Variants in FREM1 observed in about 807,000 individuals in gnomAD.
The protein encoded by FREM1 is FRAS1 related extracellular matrix 1.
FREM1 carries 220 observed loss-of-function variants against 210.1 expected under a neutral mutation model. The ratio of observed to expected loss-of-function variants is 1.05; its 90% CI spans 0.94 to 1.17. FREM1 has a LOEUF of 1.17. FREM1 is among the 50% of genes most tolerant of loss of function. The pLI is 0.00. For missense variants in FREM1, 3,454 were observed against 2,675.5 expected (o/e 1.29, Z -6.42); for synonymous variants, 1,189 against 980.2 (o/e 1.21, Z -3.98).
chr9:14,824,301 T>C (rs1821930117), intron 11 of FREM1, among the ~76,000 whole-genome samples, 186 bp from the exon 12 acceptor site: 1 of 152,208 alleles, frequency 6.6e-6, no homozygotes, highest in Non-Finnish European at 1.5e-5. Context: ...ATCCTTGTCA[T>C]GACTGCAAAA....
chr9:14,778,445 T>G (rs1464857151), intron 24 of FREM1, among the ~76,000 whole-genome samples: 1 of 146,252 alleles, frequency 6.8e-6, no homozygotes, highest in Non-Finnish European at 1.5e-5. Context: ...ACCCTTTCTC[T>G]ACAAAAAATA....
intron 27 of FREM1, among the ~76,000 whole-genome samples, chr9:14,765,512 C>A (rs1299213989): frequency 6.6e-6 from 1 of 152,150 alleles, no homozygotes; most frequent in Non-Finnish European, 1.5e-5. Flanking sequence ...AGTGGGTGCC[C>A]AATAAATGCT....
chr9:14,813,072 A>G lies in FREM1; in HGVS notation c.2641-8T>C. 6.3e-7 allele frequency: 1 copy of G among 1,589,554 alleles called. No homozygotes were observed. Among genetic ancestry groups the G allele is most frequent in the Non-Finnish European group, 8.6e-7 (1 of 1,164,690 alleles). On this transcript the variant is annotated splice_region_variant and splice_polypyrimidine_tract_variant and intron_variant, in intron 15 of 36. Transcript: ENST00000380880. The stretch of plus-strand genomic sequence containing the variant: ...ATCGTTGACAGGGAATACCTAGGCA[A>G]TGGAAAAAATGCATGTTTTCAGAAA...
At chr9:14,903,798 T>C (rs565456644) in intron 1 of FREM1, among the ~76,000 whole-genome samples, 1 of 151,980 alleles carries the variant, frequency 6.6e-6, no homozygotes, top group South Asian at 2.1e-4. Flanking sequence ...CCAACACACA[T>C]TGATATCTTT....
At chr9:14,756,918 C>T (rs1030770241) in intron 28 of FREM1, among the ~76,000 whole-genome samples, 1 of 152,122 alleles carries the variant, frequency 6.6e-6, no homozygotes, top group East Asian at 1.9e-4. Flanking sequence ...AGCTCCAGGG[C>T]ACTGAAAGCC....
intron 1 of FREM1, among the ~76,000 whole-genome samples, chr9:14,876,192 A>G (rs1182183924): frequency 2.6e-5 from 4 of 152,264 alleles, no homozygotes; most frequent in Admixed American, 6.5e-5. Context: ...TGGGAGAACC[A>G]CTGCTCTCTT....
chr9:14,850,088 C>T (rs142702033), intron 6 of FREM1, among the ~76,000 whole-genome samples: 5 of 152,290 alleles, frequency 3.3e-5, no homozygotes, highest in Middle Eastern at 6.8e-3. Flanking sequence ...AACCTGAGCT[C>T]AAGTCTCTAT....
intron 1 of FREM1, among the ~76,000 whole-genome samples, chr9:14,884,989 A>G (rs1021870858): frequency 1.8e-5 from 2 of 112,852 alleles, no homozygotes; most frequent in African/African-American, 8.1e-5. Flanking sequence ...CAGTGGTGCG[A>G]TCTCGGCTCA....
chr9:14,762,567 C>T (rs1845688241), intron 27 of FREM1, among the ~76,000 whole-genome samples: 1 of 151,910 alleles, frequency 6.6e-6, no homozygotes, highest in South Asian at 2.1e-4. Flanking sequence ...TGCTGCATAA[C>T]GTTTATAGGT....
At chr9:14,832,847 T>C (rs1414903811) in intron 10 of FREM1, among the ~76,000 whole-genome samples, 1 of 152,204 alleles carries the variant, frequency 6.6e-6, no homozygotes, top group Non-Finnish European at 1.5e-5. Context: ...AGGTTGGTCT[T>C]AAGCTGTAAA....
intron 5 of FREM1, among the ~76,000 whole-genome samples, chr9:14,855,373 T>C (rs1459913641): frequency 2.0e-5 from 3 of 152,126 alleles, no homozygotes; most frequent in African/African-American, 7.2e-5. Context: ...CATCATATAA[T>C]AAAATTGTAT....
At chr9:14,842,859 G>T (rs1825932042) in intron 8 of FREM1, among the ~76,000 whole-genome samples, 199 bp from the exon 9 acceptor site, 2 of 152,186 alleles carry the variant, frequency 1.3e-5, no homozygotes, top group African/African-American at 4.8e-5. Context: ...TTTATCAGTT[G>T]TGCAGATTTG....
chr9:14,841,574 C>G lies in FREM1; in HGVS notation c.1754G>C (p.Gly585Ala). 1 of 1,606,370 alleles carries G rather than the reference C, an allele frequency of 6.2e-7. No individual in the cohort carries two copies. Among genetic ancestry groups the G allele is most frequent in the Admixed American group, 1.7e-5 (1 of 59,742 alleles). ...GPGLIGYPVHGFLQRDLFNGI... is the reference protein window; with the variant it reads ...GPGLIGYPVHAFLQRDLFNGI... ...ATTAAACAAATCCCTCTGAAGGAAG[C>G]CATGGACAGGATAGCCTATTGGGTC... The change falls in exon 10 of 37, where the codon GGC becomes GCC. Residue 585 changes from glycine to alanine, a missense_variant. Transcript: ENST00000380880.
chr9:14,760,035 G>T (rs939640563), intron 27 of FREM1, 134 bp from the exon 28 acceptor site: 6 of 563,018 alleles, frequency 1.1e-5, no homozygotes, highest in Admixed American at 6.8e-5. Flanking sequence ...AGACTTATTT[G>T]ACACATTTTA....
chr9:14,752,180 G>A (rs1843509829), intron 29 of FREM1, among the ~76,000 whole-genome samples: 2 of 151,908 alleles, frequency 1.3e-5, no homozygotes, highest in Admixed American at 6.6e-5. Flanking sequence ...GGGGGAGACA[G>A]AAGCAAAACC....
chr9:14,841,966 T>C (rs921232430), intron 9 of FREM1, among the ~76,000 whole-genome samples: 1 of 152,210 alleles, frequency 6.6e-6, no homozygotes, highest in Non-Finnish European at 1.5e-5. Context: ...TGTAAACAAA[T>C]GTTATTCATG....
intron 3 of FREM1, among the ~76,000 whole-genome samples, chr9:14,860,375 G>C: frequency 6.6e-6 from 1 of 151,706 alleles, no homozygotes; most frequent in East Asian, 1.9e-4. Flanking sequence ...AGACCAAGAG[G>C]GGAAGAAGCT....
At chr9:14,768,775 AGAG>A (rs1400324329) in intron 27 of FREM1, among the ~76,000 whole-genome samples, 3 of 152,192 alleles carry the variant, frequency 2.0e-5, no homozygotes, top group Admixed American at 6.6e-5. Context: ...TGAAGACTGC[AGAG>A]GAGTTTCTCA....
intron 30 of FREM1, 136 bp downstream of exon 30, chr9:14,749,991 T>A: frequency 2.3e-6 from 2 of 880,618 alleles, no homozygotes; most frequent in Admixed American, 2.4e-5. Flanking sequence ...AGGGCCTACA[T>A]CACGACTGAG....
Sources: allele counts gnomAD v4.1 joint callset (sites outside exome capture counted in the v4.1 genomes callset), GRCh38; gene constraint gnomAD v4.1.1; transcripts MANE v1.5; gene names NCBI Gene and HGNC (gene_info 2026-07-23, HGNC 2026-07-21).